BMPR1B: variants seen among roughly 807,000 people sequenced by gnomAD.
BMPR1B encodes bone morphogenetic protein receptor type 1B.
BMPR1B carries 12 observed loss-of-function variants against 59.1 expected under a neutral mutation model. That is an observed-to-expected ratio of 0.20 (90% confidence interval 0.13 to 0.33). BMPR1B has a LOEUF of 0.33. Ranked by LOEUF, BMPR1B falls within the 10% of genes least tolerant of loss-of-function variation. The pLI, the probability that BMPR1B is intolerant of heterozygous loss-of-function variation, is 1.00. For missense variants in BMPR1B, 550 were observed against 610.9 expected (o/e 0.90, Z 1.05); for synonymous variants, 237 against 207.3 (o/e 1.14, Z -1.23).
At position 95,155,475 on chromosome 4, in the gene BMPR1B, C is replaced by CCTTT. The variant is rs1491108915; in HGVS notation, c.*802_*803insCTTT. The CCTTT allele has an allele frequency of 1.2e-4, 8 of 64,298 alleles. No individual in the cohort carries two copies. Among genetic ancestry groups the CCTTT allele is most frequent in the African/African-American group, 4.7e-4 (7 of 14,816 alleles). The allele number at this position is 64,298 out of a possible 1,614,324, so 4.0% of individuals were successfully genotyped here. A position where few individuals can be genotyped will look rare whatever the true frequency, so the allele number is the denominator to read the frequency against. On this transcript the variant is annotated 3_prime_UTR_variant, in exon 13 of 13. Transcript: ENST00000515059. ...CCCTTTTCATTAAACACAAAGAAAG[C>CCTTT]TTTTTTTTTTTTTTTTTTTTTTTTT...
chr4:94,979,646 T>C (rs1173068002), intron 2 of BMPR1B, among the ~76,000 whole-genome samples: 1 of 152,244 alleles, frequency 6.6e-6, no homozygotes, highest in East Asian at 1.9e-4. Flanking sequence ...TGTATAAGTA[T>C]TGACAGATTG....
rs200523617 is a variant in BMPR1B at position 95,148,818 on chromosome 4, T to C, written c.1147T>C (p.Leu383=). Residue 383 remains leucine, a synonymous_variant, in exon 11 of 13, where the codon TTG becomes CTG. Transcript: ENST00000515059. The part of the protein sequence containing the change: ...GTKRYMPPEV[L]DESLNRNHFQ... ...CAAACGCTATATGCCTCCAGAAGTG[T>C]TGGACGAGAGCTTGAACAGAAATCA... 9.9e-6 allele frequency: 16 copies of C among 1,614,030 alleles called. No homozygotes were observed. The highest frequency in any genetic ancestry group is 1.3e-5 in the Non-Finnish European group (15 of 1,179,942).
chr4:95,026,522 T>G (rs2149146105), intron 3 of BMPR1B, among the ~76,000 whole-genome samples: 1 of 152,230 alleles, frequency 6.6e-6, no homozygotes, highest in Admixed American at 6.5e-5. Flanking sequence ...CGTTTAATTT[T>G]TAGAGGCCAT....
At chr4:95,152,886 T>TGATGGC (rs1735154334) in intron 12 of BMPR1B, 113 bp downstream of exon 12, 2 of 1,305,472 alleles carry the variant, frequency 1.5e-6, no homozygotes, top group Non-Finnish European at 2.2e-6. Context: ...ATGGTGATGG[T>TGATGGC]GATGGCGCCT....
At chr4:94,946,374 A>C (rs1729709675) in intron 2 of BMPR1B, among the ~76,000 whole-genome samples, 1 of 152,214 alleles carries the variant, frequency 6.6e-6, no homozygotes, top group Non-Finnish European at 1.5e-5. Context: ...GTTAAGGAAT[A>C]GTGGCTCTAA....
intron 2 of BMPR1B, among the ~76,000 whole-genome samples, chr4:94,883,874 C>T (rs560314535): frequency 2.0e-5 from 3 of 152,178 alleles, no homozygotes; most frequent in Non-Finnish European, 4.4e-5. Flanking sequence ...TAGAACCTAC[C>T]AGAGTATTTG....
At chr4:94,950,516 A>G (rs562639367) in intron 2 of BMPR1B, among the ~76,000 whole-genome samples, 23 of 152,312 alleles carry the variant, frequency 1.5e-4, no homozygotes, top group African/African-American at 5.3e-4. Context: ...ATGGCTAGCC[A>G]GTTTTCCCAA....
At chr4:94,827,231 G>A (rs1724414455) in intron 1 of BMPR1B, among the ~76,000 whole-genome samples, 1 of 152,002 alleles carries the variant, frequency 6.6e-6, no homozygotes, top group Admixed American at 6.6e-5. Flanking sequence ...TAGTTCCTCT[G>A]TCTTTGACTT....
At chr4:95,144,575 A>G (rs745673525) in intron 10 of BMPR1B, among the ~76,000 whole-genome samples, 2 of 151,548 alleles carry the variant, frequency 1.3e-5, no homozygotes, top group African/African-American at 2.4e-5. Flanking sequence ...TCTTTATTTT[A>G]TTTTCCTCAA....
intron 2 of BMPR1B, among the ~76,000 whole-genome samples, chr4:94,887,635 C>T (rs1727235954): frequency 6.6e-6 from 1 of 151,304 alleles, no homozygotes; most frequent in Non-Finnish European, 1.5e-5. Context: ...ACAGAACACC[C>T]AAGAGAGAAT....
chr4:94,855,580 A>C (rs1303283200), intron 1 of BMPR1B, among the ~76,000 whole-genome samples: 2 of 152,218 alleles, frequency 1.3e-5, no homozygotes, highest in African/African-American at 4.8e-5. Flanking sequence ...CTGAAGACAG[A>C]GGATAGTGCT....
chr4:94,894,853 A>T (rs912767660), intron 2 of BMPR1B, among the ~76,000 whole-genome samples: 2 of 151,782 alleles, frequency 1.3e-5, no homozygotes, highest in African/African-American at 4.8e-5. Context: ...ACATCTTAAC[A>T]TACTTCTTTA....
intron 10 of BMPR1B, among the ~76,000 whole-genome samples, chr4:95,146,687 C>A (rs1012499024): frequency 6.6e-6 from 1 of 152,176 alleles, no homozygotes; most frequent in Non-Finnish European, 1.5e-5. Context: ...GGACCCAGGA[C>A]TTCTTACCTG....
intron 3 of BMPR1B, among the ~76,000 whole-genome samples, chr4:95,024,374 C>T (rs1724205276): frequency 6.6e-6 from 1 of 152,030 alleles, no homozygotes; most frequent in African/African-American, 2.4e-5. Context: ...AGGATTTTCC[C>T]CGCTTTCTAG....
chr4:94,803,716 C>T (rs561604802), intron 1 of BMPR1B, among the ~76,000 whole-genome samples: 1 of 152,168 alleles, frequency 6.6e-6, no homozygotes, highest in East Asian at 1.9e-4. Context: ...GATGCAGTAT[C>T]TTATTTTCCG....
chr4:94,826,471 A>G (rs531069535), intron 1 of BMPR1B, among the ~76,000 whole-genome samples: 10 of 151,964 alleles, frequency 6.6e-5, no homozygotes, highest in African/African-American at 2.4e-4. Context: ...CCCTGCTCTC[A>G]CTTGTTTAAG....
chr4:95,044,420 G>A (rs1238123555), intron 3 of BMPR1B, among the ~76,000 whole-genome samples: 1 of 152,184 alleles, frequency 6.6e-6, no homozygotes, highest in African/African-American at 2.4e-5. Context: ...TGCTCTCCAT[G>A]AGTGCATAAT....
chr4:94,787,176 G>A (rs902564186), intron 1 of BMPR1B, among the ~76,000 whole-genome samples: 31 of 152,108 alleles, frequency 2.0e-4, no homozygotes, highest in Admixed American at 1.1e-3. Flanking sequence ...CTTAAAAGAC[G>A]TACTAAAGCA....
At chr4:95,018,983 T>A (rs1723782122) in intron 3 of BMPR1B, among the ~76,000 whole-genome samples, 1 of 152,180 alleles carries the variant, frequency 6.6e-6, no homozygotes, top group Admixed American at 6.6e-5. Context: ...TCTTTTTGTT[T>A]AATTATAATG....
Sources: gnomAD v4.1 joint callset for allele counts (sites outside exome capture counted in the v4.1 genomes callset) on GRCh38, gnomAD v4.1.1 for gene constraint, MANE v1.5 for transcripts, NCBI Gene and HGNC (gene_info 2026-07-23, HGNC 2026-07-21) for gene names.